The following SYNDIG1 variants were observed in gnomAD, a reference collection of about 807,000 sequenced individuals.
The protein encoded by SYNDIG1 is synapse differentiation-inducing gene protein 1.
A neutral mutation model predicts 19.4 loss-of-function variants in SYNDIG1; 9 were observed. The observed-to-expected ratio is 0.46, with a 90% confidence interval of 0.28 to 0.81. SYNDIG1 has a LOEUF of 0.81. SYNDIG1 is among the 30% of genes least tolerant of loss of function. The probability of loss-of-function intolerance (pLI) is 0.12; values close to 1 mark genes in which losing one functional copy is unlikely to be tolerated. For synonymous variants in SYNDIG1, 141 were observed against 145.9 expected (o/e 0.97, Z 0.24); for missense variants, 311 against 343.3 (o/e 0.91, Z 0.74).
At position 24,589,316 on chromosome 20, in the gene SYNDIG1, A is replaced by G. The variant is rs2147061618; in HGVS notation, c.618+4323A>G. ...AGGGATTTAATAAGTAACAGAAATC[A>G]CAGAGGTAGCAAGTATGGGCACATG... On this transcript the variant is annotated intron_variant, in intron 3 of 3. Coordinates refer to ENST00000376862, the MANE Select transcript of SYNDIG1 (RefSeq NM_024893.3). Among the ~76,000 whole-genome samples the G allele has an allele frequency of 1.3e-5, 2 of 152,328 alleles. 1 individual carries two copies. Among genetic ancestry groups the G allele is most frequent in the South Asian group, 4.1e-4 (2 of 4,830 alleles).
intron 3 of SYNDIG1, among the ~76,000 whole-genome samples, chr20:24,649,158 G>A (rs11087473): frequency 0.2 from 29,687 of 152,166 alleles, 3,569 homozygotes; most frequent in East Asian, 0.46. Context: ...GGATGCTTGT[G>A]TGAGATCAGG....
chr20:24,510,946 A>G (rs552837227), intron 1 of SYNDIG1, among the ~76,000 whole-genome samples: 14 of 152,314 alleles, frequency 9.2e-5, no homozygotes, highest in African/African-American at 2.9e-4. Flanking sequence ...CCCTCATCAG[A>G]TATTTCAAGT....
At chr20:24,556,127 C>T (rs1369211788) in intron 2 of SYNDIG1, among the ~76,000 whole-genome samples, 1 of 151,970 alleles carries the variant, frequency 6.6e-6, no homozygotes, top group African/African-American at 2.4e-5. Flanking sequence ...AGGATTGCAA[C>T]CCCTGCCTTT....
intron 2 of SYNDIG1, among the ~76,000 whole-genome samples, chr20:24,564,373 T>A (rs2058002046): frequency 6.6e-6 from 1 of 152,190 alleles, no homozygotes; most frequent in Admixed American, 6.5e-5. Context: ...ATATCTTTCT[T>A]CCTTTTTCTC....
chr20:24,656,602 C>G (rs565286410), intron 3 of SYNDIG1, among the ~76,000 whole-genome samples: 3 of 152,202 alleles, frequency 2.0e-5, no homozygotes, highest in Non-Finnish European at 4.4e-5. Flanking sequence ...GATGCAGGAC[C>G]GAGCTGAAGC....
chr20:24,582,380 C>T (rs1011067210), intron 2 of SYNDIG1, among the ~76,000 whole-genome samples: 1 of 139,448 alleles, frequency 7.2e-6, no homozygotes, highest in South Asian at 2.5e-4. Context: ...TGGCCTCCCC[C>T]CATATGTCCT....
rs370770482 is a variant in SYNDIG1 at position 24,477,588 on chromosome 20, C to T, written c.-79+7835C>T. On this transcript the variant is annotated intron_variant, in intron 1 of 3. Transcript: ENST00000376862. Reference sequence around the variant, plus strand: ...CTGGATCAGAGAGCCAAGCTGTAACCCATCTGTGATTGCCCTGCCTCTCCA... The same window carrying T: ...CTGGATCAGAGAGCCAAGCTGTAACTCATCTGTGATTGCCCTGCCTCTCCA... Among the ~76,000 whole-genome samples the T allele has an allele frequency of 1.3e-3, 203 of 152,302 alleles. No homozygotes were observed. In the South Asian group the frequency reaches 0.029, roughly 22 times the overall value.
intron 1 of SYNDIG1, among the ~76,000 whole-genome samples, chr20:24,481,955 A>G (rs979159458): frequency 3.9e-5 from 6 of 152,232 alleles, no homozygotes; most frequent in Non-Finnish European, 7.3e-5. Context: ...AAATATATAT[A>G]TATGTACACA....
Position 24,518,524 on chromosome 20 carries a change from T to C in SYNDIG1, c.-78-24496T>C, listed in dbSNP as rs140952000. Among the ~76,000 whole-genome samples the C allele has an allele frequency of 3.9e-3, 596 of 152,308 alleles. 5 individuals carry two copies. Among genetic ancestry groups the C allele is most frequent in the Non-Finnish European group, 5.7e-3 (388 of 68,032 alleles). On this transcript the variant is annotated intron_variant, in intron 1 of 3. Coordinates refer to ENST00000376862, the MANE Select transcript of SYNDIG1 (RefSeq NM_024893.3). ...CAACACTGTCACCAGCAGGGCTAAA[T>C]TGCACTTTTTGTCTGGGGGTTCAGC...
At chr20:24,514,764 A>C (rs2056825280) in intron 1 of SYNDIG1, among the ~76,000 whole-genome samples, 1 of 152,236 alleles carries the variant, frequency 6.6e-6, no homozygotes, top group Admixed American at 6.5e-5. Flanking sequence ...TCAGCTCTGC[A>C]CCAAGTGGAC....
rs2057033526 is a variant in SYNDIG1, at chr20:24,522,840, C to T, written c.-78-20180C>T. Among the ~76,000 whole-genome samples the T allele has an allele frequency of 3.3e-5, 5 of 152,264 alleles. No homozygotes were observed. The South Asian group carries it at 1.0e-3, about 32-fold the overall frequency. Reference sequence around the variant, plus strand: ...GGGGAAGTGGCAGCCAACATGTCACCTGGTGAGAGGGAGCAAGAGAGAGAT... The same window carrying T: ...GGGGAAGTGGCAGCCAACATGTCACTTGGTGAGAGGGAGCAAGAGAGAGAT... On this transcript the variant is annotated intron_variant, in intron 1 of 3. Transcript: ENST00000376862.
At chr20:24,595,679 G>A (rs1243123257) in intron 3 of SYNDIG1, among the ~76,000 whole-genome samples, 1 of 152,170 alleles carries the variant, frequency 6.6e-6, no homozygotes, top group African/African-American at 2.4e-5. Flanking sequence ...CTCATTATTG[G>A]CCTTTTCAGG....
Position 24,665,618 on chromosome 20 carries a change from G to A in SYNDIG1, c.*114G>A, listed in dbSNP as rs1167194918. On this transcript the variant is annotated 3_prime_UTR_variant, in exon 4 of 4. Coordinates refer to ENST00000376862, the MANE Select transcript of SYNDIG1 (RefSeq NM_024893.3). The stretch of plus-strand genomic sequence containing the variant: ...AATGATTGCCAAATGATGCCACGAA[G>A]CCCTGGGATTTCCTACCCATGGATT... The A allele has an allele frequency of 2.8e-6, 4 of 1,447,340 alleles. No homozygotes were observed. Among genetic ancestry groups the A allele is most frequent in the Non-Finnish European group, 3.7e-6 (4 of 1,070,906 alleles). 89.7% of individuals were successfully genotyped at this position (1,447,340 alleles called of 1,614,324 possible).
chr20:24,573,695 G>C (rs958886197), intron 2 of SYNDIG1, among the ~76,000 whole-genome samples: 1 of 152,206 alleles, frequency 6.6e-6, no homozygotes, highest in African/African-American at 2.4e-5. Flanking sequence ...GCACCCATCT[G>C]TTTGGCAGCG....
chr20:24,510,991 A>C (rs2056730945), intron 1 of SYNDIG1, among the ~76,000 whole-genome samples: 1 of 152,206 alleles, frequency 6.6e-6, no homozygotes, highest in African/African-American at 2.4e-5. Context: ...TCTTAAATTC[A>C]GTAGTTATTT....
intron 1 of SYNDIG1, among the ~76,000 whole-genome samples, chr20:24,488,413 C>T (rs1256970358): frequency 1.3e-5 from 2 of 152,252 alleles, no homozygotes; most frequent in Non-Finnish European, 1.5e-5. Flanking sequence ...CAGTGCTCCA[C>T]GTCTGTTTGT....
chr20:24,552,385 C>G (rs1395707422), intron 2 of SYNDIG1, among the ~76,000 whole-genome samples: 1 of 152,018 alleles, frequency 6.6e-6, no homozygotes, highest in African/African-American at 2.4e-5. Flanking sequence ...TATACATGTG[C>G]CATGCTGGTG....
At chr20:24,539,841 C>T (rs112115608) in intron 1 of SYNDIG1, among the ~76,000 whole-genome samples, 2,017 of 152,172 alleles carry the variant, frequency 0.013, 50 homozygotes, top group African/African-American at 0.045. Flanking sequence ...TCCAGTGGCA[C>T]GATCTCAGCT....
chr20:24,587,880 G>C (rs1236745224), intron 3 of SYNDIG1, among the ~76,000 whole-genome samples: 2 of 152,214 alleles, frequency 1.3e-5, no homozygotes, highest in African/African-American at 4.8e-5. Context: ...TCATATCACA[G>C]TGTACTCACT....
Sources: allele counts gnomAD v4.1 joint callset (sites outside exome capture counted in the v4.1 genomes callset), GRCh38; gene constraint gnomAD v4.1.1; transcripts MANE v1.5; gene names NCBI Gene and HGNC (gene_info 2026-07-23, HGNC 2026-07-21).